Variants in PRKAR1A observed in about 807,000 individuals in gnomAD.
The protein encoded by PRKAR1A is cAMP-dependent protein kinase type I-alpha regulatory subunit.
In PRKAR1A, 3 loss-of-function variants were observed where a neutral mutation model predicts 52.0. The ratio of observed to expected loss-of-function variants is 0.06; its 90% CI spans 0.03 to 0.15. The LOEUF (loss-of-function observed/expected upper bound fraction) is 0.15. PRKAR1A is among the 10% of genes least tolerant of loss of function. PRKAR1A has a pLI of 1.00. For synonymous variants in PRKAR1A, 188 were observed against 168.4 expected (o/e 1.12, Z -0.90); for missense variants, 240 against 477.4 (o/e 0.50, Z 4.63).
chr17:68,548,725 ATTTTTT>A (rs753348891), intron 11 of PRKAR1A, among the ~76,000 whole-genome samples: 1 of 79,158 alleles, frequency 1.3e-5, no homozygotes, highest in Non-Finnish European at 2.3e-5. Flanking sequence ...ATGCCTGTAT[ATTTTTT>A]TTTTTTTTTT....
Position 68,546,204 on chromosome 17 carries a change from T to C in PRKAR1A, c.974-4880T>C, listed in dbSNP as rs181366135. On this transcript the variant is annotated intron_variant, in intron 11 of 11. Transcript: ENST00000585981. ...AAAAAAAAAAAAAAAAAGCAGCAACTCTATCTGTTCAAGTTTGATCATGCA... is the reference window on the plus strand; with the variant it reads ...AAAAAAAAAAAAAAAAAGCAGCAACCCTATCTGTTCAAGTTTGATCATGCA... Among the ~76,000 whole-genome samples the C allele has an allele frequency of 3.4e-4, 50 of 145,594 alleles. 1 individual carries two copies. The highest frequency in any genetic ancestry group is 1.2e-3 in the African/African-American group (48 of 38,870).
In PRKAR1A at chr17:68,549,836, T is replaced by C. The variant is rs567785070; in HGVS notation, c.974-1248T>C. Among the ~76,000 whole-genome samples the C allele has an allele frequency of 5.3e-5, 8 of 152,360 alleles. No individual in the cohort carries two copies. The East Asian group carries it at 9.6e-4, about 18-fold the overall frequency. ...ACCTCTGCTAATTGCCATGTGTATT[T>C]GCTGTTATAGCTCTCATTTCAAAGG... On this transcript the variant is annotated intron_variant, in intron 11 of 11. Coordinates refer to the PRKAR1A transcript ENST00000585981.
At chr17:68,525,125 G>GT (rs374590068) in intron 6 of PRKAR1A, among the ~76,000 whole-genome samples, 167 bp downstream of exon 6, 52 of 152,040 alleles carry the variant, frequency 3.4e-4, no homozygotes, top group African/African-American at 1.2e-3. Context: ...CTCTTTAAAG[G>GT]TAATTTTCTG....
At chr17:68,535,836 T>C (rs1470418343), downstream of PRKAR1A, 1 of 453,868 alleles carries the variant, frequency 2.2e-6, no homozygotes. Context: ...CAAATTTGAC[T>C]TCATAAATTG....
At chr17:68,497,062 G>A in the PRKAR1A span, among the ~76,000 whole-genome samples, 1 of 152,034 alleles carries the variant, frequency 6.6e-6, no homozygotes, top group African/African-American at 2.4e-5. Flanking sequence ...GAGCTCAAGT[G>A]ATCTGCCTGC....
At chr17:68,438,770 T>C in the PRKAR1A span, among the ~76,000 whole-genome samples, 2 of 152,158 alleles carry the variant, frequency 1.3e-5, no homozygotes, top group Non-Finnish European at 2.9e-5. Context: ...CCAGCTAATT[T>C]TTGTATTTTC....
chr17:68,546,728 G>A (rs2086586231), intron 11 of PRKAR1A, among the ~76,000 whole-genome samples: 1 of 151,928 alleles, frequency 6.6e-6, no homozygotes, highest in South Asian at 2.1e-4. Flanking sequence ...CACTCGGGAG[G>A]CTGAGGCAGG....
At chr17:68,460,392 G>A in the PRKAR1A span, among the ~76,000 whole-genome samples, 3 of 152,214 alleles carry the variant, frequency 2.0e-5, no homozygotes, top group Admixed American at 2.0e-4. Context: ...TCTTCAGTCA[G>A]GTATTCAGGA....
In PRKAR1A at chr17:68,529,087, G is replaced by T. The variant is rs192705106; in HGVS notation, c.891+96G>T. On this transcript the variant is annotated intron_variant, in intron 9 of 10. Coordinates refer to ENST00000589228, the MANE Select transcript of PRKAR1A (RefSeq NM_002734.5). ...GTACGCTCTAAGAGGGAAAGAGTGG[G>T]CTAATTCTGAACTATAGCTTTAGTT... The T allele has an allele frequency of 6.7e-4, 967 of 1,450,270 alleles. 1 individual carries two copies. Among genetic ancestry groups the T allele is most frequent in the Non-Finnish European group, 8.3e-4 (870 of 1,045,752 alleles). 89.8% of individuals were successfully genotyped at this position (1,450,270 alleles called of 1,614,324 possible). A position where few individuals can be genotyped will look rare whatever the true frequency, so the allele number is the denominator to read the frequency against.
chr17:68,426,251 G>GGGGGGGGGGGGA, the PRKAR1A span: 3 of 825,460 alleles, frequency 3.6e-6, 1 homozygote, highest in Non-Finnish European at 5.8e-6. Context: ...GTGGGGAGCG[G>GGGGGGGGGGGGA]GGGCTCAAAT....
At chr17:68,542,443 C>T (rs1052454669) in intron 11 of PRKAR1A, among the ~76,000 whole-genome samples, 4 of 152,148 alleles carry the variant, frequency 2.6e-5, no homozygotes, top group African/African-American at 9.7e-5. Flanking sequence ...ACCTCTGGTT[C>T]CGGGGAGGCC....
chr17:68,532,956 AG>A lies in PRKAR1A; in HGVS notation c.*2510del. 9.4e-7 allele frequency: 1 copy of A among 1,065,824 alleles called. No homozygotes were observed. Among genetic ancestry groups the A allele is most frequent in the Non-Finnish European group, 1.1e-6 (1 of 879,660 alleles). The allele number at this position is 1,065,824 out of a possible 1,614,324, so 66.0% of individuals were successfully genotyped here. A position where few individuals can be genotyped will look rare whatever the true frequency, so the allele number is the denominator to read the frequency against. ...GAGTGGATCTCAAAATCTTGCTTAA[AG>A]GGTAATTGAGATGTAGCAGATTTAT... On this transcript the variant is annotated 3_prime_UTR_variant, in exon 11 of 11. Transcript: ENST00000589228.
At chr17:68,465,965 G>A in the PRKAR1A span, among the ~76,000 whole-genome samples, 1 of 152,150 alleles carries the variant, frequency 6.6e-6, no homozygotes. Flanking sequence ...TGTGGGTGGA[G>A]GTAGAATGTA....
At position 68,525,777 on chromosome 17, in the gene PRKAR1A, A is replaced by C; in HGVS notation, c.573A>C (p.Ala191=). The change falls in exon 7 of 11, where the codon GCA becomes GCC. Residue 191 remains alanine (A), a synonymous_variant. Transcript: ENST00000589228. The part of the protein sequence containing the change: ...ETDVYVNNEW[A]TSVGEGGSFG... ...AGGTCTATGTTAACAATGAATGGGC[A>C]ACCAGTGTTGGGGAAGGAGGGAGCT... The C allele has an allele frequency of 6.2e-7, 1 of 1,614,040 alleles. No individual in the cohort carries two copies. The highest frequency in any genetic ancestry group is 8.5e-7 in the Non-Finnish European group (1 of 1,179,934).
At chr17:68,462,155 G>C in the PRKAR1A span, among the ~76,000 whole-genome samples, 1 of 152,176 alleles carries the variant, frequency 6.6e-6, no homozygotes, top group Non-Finnish European at 1.5e-5. Context: ...ATGAAAGAGT[G>C]AATTGATGTC....
chr17:68,515,592 G>A lies in PRKAR1A; in HGVS notation c.177+16G>A, dbSNP rs1187448351. ...GTTGGAGAAGGTAAAAATAAATGTG[G>A]GGAGATGATGAGGTGATTGTGACAG... On this transcript the variant is annotated intron_variant, in intron 2 of 10. Transcript: ENST00000589228. 2 of 1,608,200 alleles carry A rather than the reference G, an allele frequency of 1.2e-6. No individual in the cohort carries two copies. The highest frequency in any genetic ancestry group is 1.7e-6 in the Non-Finnish European group (2 of 1,176,814).
chr17:68,535,275 A>G, downstream of PRKAR1A: 1 of 454,048 alleles, frequency 2.2e-6, no homozygotes, highest in Non-Finnish European at 4.4e-6. Context: ...TTGAAAGATA[A>G]GTGAATAATA....
At position 68,531,138 on chromosome 17, in the gene PRKAR1A, T is replaced by C. The variant is rs1453868940; in HGVS notation, c.*689T>C. On this transcript the variant is annotated 3_prime_UTR_variant, in exon 11 of 11. Transcript: ENST00000589228. The stretch of plus-strand genomic sequence containing the variant: ...AAATACTTTTGAGTATGGCTATCTA[T>C]ACCTGCCTTTTAAGTTTGAAACTAA... 9.4e-7 allele frequency: 1 copy of C among 1,066,306 alleles called. No homozygotes were observed. The highest frequency in any genetic ancestry group is 1.1e-6 in the Non-Finnish European group (1 of 879,570). The allele number at this position is 1,066,306 out of a possible 1,614,324, so 66.1% of individuals were successfully genotyped here. A position where few individuals can be genotyped will look rare whatever the true frequency, so the allele number is the denominator to read the frequency against.
the PRKAR1A span, among the ~76,000 whole-genome samples, chr17:68,501,854 AC>A: frequency 6.6e-6 from 1 of 152,132 alleles, no homozygotes; most frequent in Non-Finnish European, 1.5e-5. Context: ...CCAAAATGGA[AC>A]CCTTGCTGCT....
Sources: gnomAD v4.1 joint callset for allele counts (sites outside exome capture counted in the v4.1 genomes callset) on GRCh38, gnomAD v4.1.1 for gene constraint, MANE v1.5 for transcripts, NCBI Gene and HGNC (gene_info 2026-07-23, HGNC 2026-07-21) for gene names.